SRD5A2: variants seen among roughly 807,000 people sequenced by gnomAD.
SRD5A2 encodes the protein steroid 5 alpha-reductase 2, also known as 3-oxo-5-alpha-steroid 4-dehydrogenase 2.
Under a neutral mutation model 27.4 loss-of-function variants are expected in SRD5A2, and 30 were observed. The observed-to-expected ratio is 1.10, with a 90% CI of 0.82 to 1.49. The LOEUF (loss-of-function observed/expected upper bound fraction) is 1.49, where lower values mean the gene tolerates loss of function less well. Ranked by LOEUF, SRD5A2 falls within the 40% of genes most tolerant of loss-of-function variation. The pLI is 0.00. For synonymous variants in SRD5A2, 141 were observed against 133.6 expected (o/e 1.06, Z -0.38); for missense variants, 348 against 323.4 (o/e 1.08, Z -0.58).
chr2:31,639,158 A>G, the SRD5A2 span, among the ~76,000 whole-genome samples: 1 of 152,086 alleles, frequency 6.6e-6, no homozygotes, highest in African/African-American at 2.4e-5. Flanking sequence ...AACTTATCTT[A>G]GATCACAAAC....
At chr2:31,660,731 CA>C in the SRD5A2 span, among the ~76,000 whole-genome samples, 1 of 152,004 alleles carries the variant, frequency 6.6e-6, no homozygotes, top group South Asian at 2.1e-4. Flanking sequence ...GAGGTTTATT[CA>C]CTATAGGATT....
upstream of SRD5A2, among the ~76,000 whole-genome samples, chr2:31,581,525 C>T (rs1667083972): frequency 6.6e-6 from 1 of 152,166 alleles, no homozygotes; most frequent in Non-Finnish European, 1.5e-5. Context: ...TCTGCCCCAC[C>T]ACACGCCCCC....
intron 1 of SRD5A2, among the ~76,000 whole-genome samples, chr2:31,565,024 T>C (rs1666701606): frequency 6.6e-6 from 1 of 151,878 alleles, no homozygotes. Flanking sequence ...AAGTTGAGGC[T>C]TTTATAGCAC....
chr2:31,581,870 C>G (rs1329277540), upstream of SRD5A2, among the ~76,000 whole-genome samples: 1 of 152,198 alleles, frequency 6.6e-6, no homozygotes, highest in African/African-American at 2.4e-5. Context: ...TACACGCAGA[C>G]GCGGTTCTTT....
Position 31,536,036 on chromosome 2 carries a change from A to G in SRD5A2, c.282-2270T>C, listed in dbSNP as rs749022096. Among the ~76,000 whole-genome samples, 6 of 152,208 alleles carry G rather than the reference A, an allele frequency of 3.9e-5. No individual in the cohort carries two copies. The East Asian group carries it at 5.8e-4, about 15-fold the overall frequency. On this transcript the variant is annotated intron_variant, in intron 1 of 4. Transcript: ENST00000622030. ...ATTGGACTACTGTTTTATGAGAATC[A>G]TTGGATTCCTACAGAAATTAAATAA...
chr2:31,528,061 A>G (rs1362521693), intron 4 of SRD5A2, among the ~76,000 whole-genome samples: 1 of 152,196 alleles, frequency 6.6e-6, no homozygotes, highest in Non-Finnish European at 1.5e-5. Flanking sequence ...TTTCACTTCC[A>G]GCAATACTTT....
the SRD5A2 span, among the ~76,000 whole-genome samples, chr2:31,602,236 GC>G: frequency 2.6e-5 from 4 of 151,990 alleles, no homozygotes; most frequent in Middle Eastern, 3.2e-3. Context: ...AAATCAATGT[GC>G]AAAAATCACT....
At chr2:31,570,392 A>G (rs1666826629) in intron 1 of SRD5A2, among the ~76,000 whole-genome samples, 1 of 152,248 alleles carries the variant, frequency 6.6e-6, no homozygotes, top group Non-Finnish European at 1.5e-5. Flanking sequence ...AACAAGAGCC[A>G]TCAATGACAA....
At chr2:31,561,922 G>A (rs2300700) in intron 1 of SRD5A2, among the ~76,000 whole-genome samples, 63,918 of 151,964 alleles carry the variant, frequency 0.42, 13,726 homozygotes, top group Non-Finnish European at 0.46. Context: ...ATCAACTTGA[G>A]GTGGATTTTG....
rs553707902 is a variant in SRD5A2 at position 31,533,623 on chromosome 2, G to C, written c.425C>G (p.Thr142Arg). 6.4e-7 allele frequency: 1 copy of C among 1,552,608 alleles called. No homozygotes were observed. Among genetic ancestry groups the C allele is most frequent in the African/African-American group, 1.4e-5 (1 of 73,228 alleles). Reference protein sequence around the residue: ...YCAEYPDGWYTDIRFSLGVFL... With the variant: ...YCAEYPDGWYRDIRFSLGVFL... ...CTTACCCAAGCTAAACCGTATGTCT[G>C]TGTACCACCCATCAGGGTATTCAGC... The change falls in exon 2 of 5, where the codon ACA becomes AGA. Residue 142 changes from threonine to arginine, a missense_variant. Physicochemically the swap from Thr to Arg is moderately conservative, Grantham distance 71. Transcript: ENST00000622030.
intron 1 of SRD5A2, among the ~76,000 whole-genome samples, chr2:31,544,051 C>A (rs1463919791): frequency 1.3e-5 from 2 of 151,644 alleles, no homozygotes; most frequent in Non-Finnish European, 2.9e-5. Flanking sequence ...TACTAACAGG[C>A]AAAATGGACT....
At chr2:31,539,320 A>C (rs1666085892) in intron 1 of SRD5A2, among the ~76,000 whole-genome samples, 1 of 152,234 alleles carries the variant, frequency 6.6e-6, no homozygotes, top group Non-Finnish European at 1.5e-5. Flanking sequence ...AGGCCAAACA[A>C]AATCTTACTT....
chr2:31,536,854 GACC>G (rs1427283269), intron 1 of SRD5A2, among the ~76,000 whole-genome samples: 1 of 152,098 alleles, frequency 6.6e-6, no homozygotes, highest in African/African-American at 2.4e-5. Flanking sequence ...CCTGGTTTGG[GACC>G]ACATCACTTT....
chr2:31,538,199 G>T (rs765826935), intron 1 of SRD5A2, among the ~76,000 whole-genome samples: 20 of 151,984 alleles, frequency 1.3e-4, no homozygotes, highest in Non-Finnish European at 1.5e-4. Flanking sequence ...CCAAACCTCT[G>T]ACTCCCCATT....
At chr2:31,592,964 C>T in the SRD5A2 span, among the ~76,000 whole-genome samples, 2 of 152,150 alleles carry the variant, frequency 1.3e-5, no homozygotes, top group African/African-American at 4.8e-5. Context: ...TTTGTAGGGA[C>T]ATGGATGAAA....
At chr2:31,657,317 T>G in the SRD5A2 span, among the ~76,000 whole-genome samples, 1,449 of 152,318 alleles carry the variant, frequency 9.5e-3, 20 homozygotes, top group South Asian at 0.046. Context: ...CATCTAAAAT[T>G]AAAAGTTTAT....
At chr2:31,627,692 A>G in the SRD5A2 span, among the ~76,000 whole-genome samples, 1 of 152,044 alleles carries the variant, frequency 6.6e-6, no homozygotes, top group African/African-American at 2.4e-5. Flanking sequence ...CATTTCAAAG[A>G]ATTTCTTGAA....
At chr2:31,648,966 A>T in the SRD5A2 span, among the ~76,000 whole-genome samples, 1 of 152,174 alleles carries the variant, frequency 6.6e-6, no homozygotes, top group African/African-American at 2.4e-5. Flanking sequence ...TGGAAGCCTT[A>T]TAAGATGTGC....
the SRD5A2 span, among the ~76,000 whole-genome samples, chr2:31,649,191 C>G: frequency 6.6e-6 from 1 of 152,186 alleles, no homozygotes; most frequent in African/African-American, 2.4e-5. Flanking sequence ...GCTAGCTATT[C>G]CATTTCCTTT....
Sources: gnomAD v4.1 joint callset for allele counts (sites outside exome capture counted in the v4.1 genomes callset) on GRCh38, gnomAD v4.1.1 for gene constraint, MANE v1.5 for transcripts, NCBI Gene and HGNC (gene_info 2026-07-23, HGNC 2026-07-21) for gene names.